The following NCBP3 variants were observed in gnomAD, a reference collection of about 807,000 sequenced individuals.
NCBP3 encodes the protein nuclear cap binding subunit 3.
In NCBP3, 20 loss-of-function variants were observed where a neutral mutation model predicts 75.7. The observed-to-expected ratio is 0.26, with a 90% CI of 0.19 to 0.38. The LOEUF is 0.38. Ranked by LOEUF, NCBP3 falls within the 10% of genes least tolerant of loss-of-function variation. The pLI, the probability that NCBP3 is intolerant of heterozygous loss-of-function variation, is 1.00. For missense variants in NCBP3, 678 were observed against 796.9 expected (o/e 0.85, Z 1.80); for synonymous variants, 293 against 290.5 (o/e 1.01, Z -0.09).
In NCBP3 at chr17:3,846,132, C is replaced by G. The variant is rs1174424069; in HGVS notation, c.92G>C (p.Gly31Ala). 4 of 1,543,752 alleles carry G rather than the reference C, an allele frequency of 2.6e-6. No individual in the cohort carries two copies. The East Asian group carries it at 7.6e-5, about 29-fold the overall frequency. ...LGLPSPEAES[G>A]VDRGEPEPME... ...GGGCTCCGGCTCGCCACGGTCAACA[C>G]CGGACTCCGCCTCAGGGGACGGGAG... Residue 31 changes from glycine (G) to alanine (A), a missense_variant, in exon 1 of 13, where the codon GGT (glycine) becomes GCT (alanine). By Grantham distance (60) the Gly-to-Ala change is moderately conservative (BLOSUM62 0). Around this residue, in one of 7 missense-constraint regions of NCBP3, gnomAD observed 76 missense variants for 53.8 expected, o/e 1.41. Coordinates refer to ENST00000389005, the MANE Select transcript of NCBP3 (RefSeq NM_001114118.3). This position sits in a 1 kb window ranked among gnomAD's most constrained non-coding sequence, Gnocchi z 4.6.
intron 3 of NCBP3, among the ~76,000 whole-genome samples, chr17:3,830,664 T>A (rs913452212): frequency 2.6e-5 from 4 of 152,232 alleles, no homozygotes; most frequent in Non-Finnish European, 4.4e-5. Context: ...CTCGGCTCAC[T>A]GCAACCTCCG....
intron 2 of NCBP3, among the ~76,000 whole-genome samples, chr17:3,841,103 A>T (rs531790172): frequency 6.0e-4 from 91 of 152,194 alleles, no homozygotes; most frequent in Non-Finnish European, 8.5e-4. Flanking sequence ...TAGCCTCCTG[A>T]GTAGCTGGGA....
Position 3,818,303 on chromosome 17 carries a change from T to C in NCBP3, c.1270A>G (p.Met424Val). 5 of 1,613,512 alleles carry C rather than the reference T, an allele frequency of 3.1e-6. No individual in the cohort carries two copies. The highest frequency in any genetic ancestry group is 4.2e-6 in the Non-Finnish European group (5 of 1,179,626). ...PSPKKSMKMT[M>V]YADEVESQLK... ...TGAGATTCCACTTCGTCAGCATACA[T>C]AGTCATTTTCATGCTTTTCTTTGGT... The change falls in exon 10 of 13, where the codon ATG becomes GTG. Residue 424 changes from methionine to valine, a missense_variant. By Grantham distance (21) the Met-to-Val change is conservative (BLOSUM62 1). Around this residue, in one of 7 missense-constraint regions of NCBP3, gnomAD observed 365 missense variants for 392.7 expected, o/e 0.93. Coordinates refer to ENST00000389005, the MANE Select transcript of NCBP3 (RefSeq NM_001114118.3). This position sits in a 1 kb window ranked among gnomAD's most constrained non-coding sequence, Gnocchi z 4.7.
intron 2 of NCBP3, among the ~76,000 whole-genome samples, chr17:3,840,827 T>C (rs1814279112): frequency 6.6e-6 from 1 of 152,218 alleles, no homozygotes; most frequent in Non-Finnish European, 1.5e-5. Context: ...TCTTCCAGCC[T>C]CGTGTCCACG....
At chr17:3,828,183 T>C (rs925895032) in intron 4 of NCBP3, among the ~76,000 whole-genome samples, 78 of 152,214 alleles carry the variant, frequency 5.1e-4, no homozygotes, top group African/African-American at 1.9e-3. Flanking sequence ...CCTCCCAAAG[T>C]GCTGGGATTA....
chr17:3,840,117 C>T lies in NCBP3; in HGVS notation c.338G>A (p.Arg113Gln), dbSNP rs2054038591. ...NLAQRNVALD[R>Q]DMMKKAIPKV... The stretch of plus-strand genomic sequence containing the variant: ...CCCTGTACCTTTCTTCATCATGTCT[C>T]GGTCCAAGGCTACATTTCTTTGGGC... The change falls in exon 3 of 13, where the codon CGA (arginine) becomes CAA (glutamine). Residue 113 changes from arginine to glutamine, a missense_variant. This residue lies in a region of NCBP3 where 40 missense variants were observed against 41.3 expected (regional missense o/e 0.97). Transcript: ENST00000389005. The T allele has an allele frequency of 1.9e-6, 3 of 1,551,452 alleles. No homozygotes were observed. The highest frequency in any genetic ancestry group is 1.4e-5 in the African/African-American group (1 of 73,138).
rs1273593845 is a variant in NCBP3, at chr17:3,809,241, G to A, written c.*3803C>T. ...ACTGGAACCCTCGCACACTGCTGGT[G>A]GAATGGAAAATGATACAGCTGCTTG... On this transcript the variant is annotated 3_prime_UTR_variant, in exon 13 of 13. Coordinates refer to ENST00000389005, the MANE Select transcript of NCBP3 (RefSeq NM_001114118.3). 3.3e-5 allele frequency: 5 copies of A among 152,158 alleles called. No individual in the cohort carries two copies. The highest frequency in any genetic ancestry group is 5.9e-5 in the Non-Finnish European group (4 of 68,048). The allele number at this position is 152,158 out of a possible 1,614,324, so 9.4% of individuals were successfully genotyped here.
intron 3 of NCBP3, among the ~76,000 whole-genome samples, chr17:3,832,827 A>C (rs1461722605): frequency 6.6e-6 from 1 of 152,196 alleles, no homozygotes; most frequent in Non-Finnish European, 1.5e-5. Context: ...AATTTTAAAC[A>C]CATAATAATT....
At position 3,811,918 on chromosome 17, in the gene NCBP3, TTA is replaced by T. The variant is rs1438257768; in HGVS notation, c.*1124_*1125del. The T allele has an allele frequency of 6.6e-6, 1 of 152,254 alleles. No homozygotes were observed. Among genetic ancestry groups the T allele is most frequent in the Non-Finnish European group, 1.5e-5 (1 of 68,046 alleles). 9.4% of individuals were successfully genotyped at this position (152,254 alleles called of 1,614,324 possible). On this transcript the variant is annotated 3_prime_UTR_variant, in exon 13 of 13. Coordinates refer to ENST00000389005, the MANE Select transcript of NCBP3 (RefSeq NM_001114118.3). ...AAATGAACTAAAATTTTTATAACTATTATCTTTTCTGCCAATTTTGAAGATGT... is the reference window on the plus strand; with the variant it reads ...AAATGAACTAAAATTTTTATAACTATTCTTTTCTGCCAATTTTGAAGATGT...
chr17:3,837,157 AT>A (rs1179570931), intron 3 of NCBP3, among the ~76,000 whole-genome samples: 1 of 149,290 alleles, frequency 6.7e-6, no homozygotes, highest in East Asian at 2.0e-4. Flanking sequence ...CAAAAAAAAA[AT>A]AAAAAATAAA....
intron 3 of NCBP3, among the ~76,000 whole-genome samples, chr17:3,836,844 G>A (rs996370594): frequency 4.0e-5 from 6 of 151,846 alleles, no homozygotes; most frequent in African/African-American, 1.5e-4. Context: ...AATCCTGTCT[G>A]CACATTAAAA....
chr17:3,823,347 A>G (rs1349251062), intron 7 of NCBP3, among the ~76,000 whole-genome samples: 1 of 152,172 alleles, frequency 6.6e-6, no homozygotes, highest in Non-Finnish European at 1.5e-5. Context: ...CCGTCTCAAA[A>G]CAAACAAAAA....
In NCBP3 at chr17:3,829,359, T is replaced by C. The variant is rs1325852907; in HGVS notation, c.365A>G (p.Lys122Arg). ...DRDMMKKAIP[K>R]VRLETIYICG... Reference sequence around the variant, plus strand: ...AATATAGATTGTCTCCAGTCTCACCTTGGGGATTGCTAGAAAGACAAGACA... The same window carrying C: ...AATATAGATTGTCTCCAGTCTCACCCTGGGGATTGCTAGAAAGACAAGACA... The change falls in exon 4 of 13, where the codon AAG (lysine) becomes AGG (arginine). Residue 122 changes from lysine (K) to arginine (R), a missense_variant. By Grantham distance (26) the Lys-to-Arg change is conservative (BLOSUM62 2). This residue lies in a region of NCBP3 where 40 missense variants were observed against 41.3 expected (regional missense o/e 0.97). Transcript: ENST00000389005. The C allele has an allele frequency of 6.4e-7, 1 of 1,551,812 alleles. No individual in the cohort carries two copies. Among genetic ancestry groups the C allele is most frequent in the Non-Finnish European group, 8.7e-7 (1 of 1,146,914 alleles).
intron 7 of NCBP3, 106 bp from the exon 8 acceptor site, chr17:3,822,158 T>C (rs1419173485): frequency 6.5e-6 from 5 of 768,928 alleles, no homozygotes; most frequent in Middle Eastern, 7.2e-4. Context: ...CAGCGCAATT[T>C]GCCAACAAAA....
At chr17:3,837,648 C>T (rs1461291731) in intron 3 of NCBP3, among the ~76,000 whole-genome samples, 3 of 150,684 alleles carry the variant, frequency 2.0e-5, no homozygotes, top group Non-Finnish European at 4.4e-5. Context: ...GCAGGAGAAT[C>T]GCTTGAACCC....
intron 3 of NCBP3, among the ~76,000 whole-genome samples, chr17:3,832,132 C>T (rs1176983879): frequency 9.6e-6 from 1 of 104,712 alleles, no homozygotes; most frequent in African/African-American, 2.8e-5. Context: ...TGCAGTAAGC[C>T]GAGATTGTGC....
At chr17:3,816,085 T>C (rs375689559) in intron 11 of NCBP3, 31 bp downstream of exon 11, 1 of 1,596,974 alleles carries the variant, frequency 6.3e-7, no homozygotes, top group Non-Finnish European at 8.5e-7. Flanking sequence ...GAGCTCAGAA[T>C]CCAGCCAGGA....
Position 3,808,563 on chromosome 17 carries a change from G to A in NCBP3, c.*4481C>T, listed in dbSNP as rs1209080008. On this transcript the variant is annotated 3_prime_UTR_variant, in exon 13 of 13. Coordinates refer to ENST00000389005, the MANE Select transcript of NCBP3 (RefSeq NM_001114118.3). Reference sequence around the variant, plus strand: ...GAAGCCTGGGCGGAAGCATGTCACTGGAGGTAGAAACAGCTCTGTGCACAG... The same window carrying A: ...GAAGCCTGGGCGGAAGCATGTCACTAGAGGTAGAAACAGCTCTGTGCACAG... 6.6e-6 allele frequency: 1 copy of A among 152,188 alleles called. No homozygotes were observed. The highest frequency in any genetic ancestry group is 1.9e-4 in the East Asian group (1 of 5,180). 9.4% of individuals were successfully genotyped at this position (152,188 alleles called of 1,614,324 possible).
Position 3,806,960 on chromosome 17 carries a change from C to G in NCBP3, c.*6084G>C, listed in dbSNP as rs142271299. The G allele has an allele frequency of 4.6e-5, 7 of 152,280 alleles. No individual in the cohort carries two copies. The highest frequency in any genetic ancestry group is 3.9e-4 in the East Asian group (2 of 5,182). The allele number at this position is 152,280 out of a possible 1,614,324, so 9.4% of individuals were successfully genotyped here. A position where few individuals can be genotyped will look rare whatever the true frequency, so the allele number is the denominator to read the frequency against. On this transcript the variant is annotated 3_prime_UTR_variant, in exon 13 of 13. Transcript: ENST00000389005. The stretch of plus-strand genomic sequence containing the variant: ...AAAAGCAATTACTGTACTTATGTAT[C>G]GAACTTATTTGTGTAGCAACTAATT...
Sources: allele counts gnomAD v4.1 joint callset (sites outside exome capture counted in the v4.1 genomes callset), GRCh38; gene constraint gnomAD v4.1.1; regional missense constraint gnomAD v4.1.1; non-coding constraint Gnocchi (gnomAD v3.1); transcripts MANE v1.5; gene names NCBI Gene and HGNC (gene_info 2026-07-23, HGNC 2026-07-21).